ENPP2: variants seen among roughly 807,000 people sequenced by gnomAD.
The protein encoded by ENPP2 is autotaxin.
A neutral mutation model predicts 120.2 loss-of-function variants in ENPP2; 51 were observed. That is an observed-to-expected ratio of 0.42 (90% CI 0.34 to 0.54). The LOEUF (loss-of-function observed/expected upper bound fraction) is 0.54. Among genes scored for constraint, ENPP2 ranks in the 20% least tolerant of loss-of-function variants. The pLI is 0.04. For missense variants in ENPP2, 920 were observed against 1,066.5 expected, an observed-to-expected ratio of 0.86 and a Z score of 1.91; for synonymous variants, 365 against 366.4, an observed-to-expected ratio of 1.00 and a Z score of 0.04.
In ENPP2 at chr8:119,638,744, C is replaced by G; in HGVS notation, c.33+4G>C. 6.4e-7 allele frequency: 1 copy of G among 1,553,050 alleles called. No homozygotes were observed. The highest frequency in any genetic ancestry group is 1.1e-5 in the South Asian group (1 of 89,880). On this transcript the variant is annotated splice_donor_region_variant and intron_variant, in intron 1 of 24. Transcript: ENST00000075322. ...TGTCCCCCGTCATTCCTCCGTTCTC[C>G]CACCTGACACGACTGGAACGAGCTC...
At chr8:119,597,557 T>G (rs1813984083) in intron 11 of ENPP2, among the ~76,000 whole-genome samples, 1 of 152,198 alleles carries the variant, frequency 6.6e-6, no homozygotes, top group Non-Finnish European at 1.5e-5. Flanking sequence ...CTGAGGTTAT[T>G]AAGAGGATGG....
At chr8:119,616,244 C>T (rs756134055) in intron 8 of ENPP2, 21 bp downstream of exon 8, 59 of 1,596,696 alleles carry the variant, frequency 3.7e-5, no homozygotes, top group Non-Finnish European at 4.6e-5. Flanking sequence ...CACATAGACA[C>T]ACAATAAATG....
chr8:119,606,447 G>A (rs1239230447), intron 9 of ENPP2, among the ~76,000 whole-genome samples: 1 of 152,084 alleles, frequency 6.6e-6, no homozygotes, highest in Admixed American at 6.6e-5. Context: ...AGGCAAATAT[G>A]TTACAGAACA....
chr8:119,621,957 C>G (rs1260202910), intron 3 of ENPP2, among the ~76,000 whole-genome samples: 1 of 152,072 alleles, frequency 6.6e-6, no homozygotes, highest in Non-Finnish European at 1.5e-5. Context: ...TTGACAGAGT[C>G]TTGCTCTCTT....
At chr8:119,581,747 C>T (rs986083434) in intron 18 of ENPP2, among the ~76,000 whole-genome samples, 2 of 149,950 alleles carry the variant, frequency 1.3e-5, no homozygotes, top group African/African-American at 4.9e-5. Context: ...TTTAAACTCT[C>T]TCTTTTTTTC....
chr8:119,649,258 C>T (rs938512688), intron 1 of ENPP2, among the ~76,000 whole-genome samples: 1 of 150,466 alleles, frequency 6.6e-6, no homozygotes, highest in African/African-American at 2.4e-5. Context: ...AAAAAATAGC[C>T]GGGTGTGGTC....
chr8:119,639,137 A>G (rs1817184244), upstream of ENPP2, among the ~76,000 whole-genome samples: 2 of 152,238 alleles, frequency 1.3e-5, no homozygotes. Context: ...TTTGTCAAAA[A>G]GAAACCAAAT....
intron 19 of ENPP2, among the ~76,000 whole-genome samples, chr8:119,573,718 A>G (rs1563681314): frequency 6.6e-6 from 1 of 152,156 alleles, no homozygotes; most frequent in Non-Finnish European, 1.5e-5. Flanking sequence ...AGGCTGGGGC[A>G]GAACTGCTTG....
At chr8:119,649,219 C>T (rs1198525544) in intron 1 of ENPP2, among the ~76,000 whole-genome samples, 2 of 149,652 alleles carry the variant, frequency 1.3e-5, no homozygotes, top group African/African-American at 2.5e-5. Flanking sequence ...CGGTGAAACC[C>T]CGTCTCTACT....
At chr8:119,611,960 C>T (rs1202790989) in intron 8 of ENPP2, among the ~76,000 whole-genome samples, 1 of 152,060 alleles carries the variant, frequency 6.6e-6, no homozygotes, top group African/African-American at 2.4e-5. Context: ...ACCCGGGAGG[C>T]GGAGGTTGCT....
chr8:119,560,134 T>A (rs1813812824), intron 24 of ENPP2, among the ~76,000 whole-genome samples: 1 of 152,170 alleles, frequency 6.6e-6, no homozygotes, highest in Admixed American at 6.5e-5. Context: ...GAACATCTAT[T>A]CCCCAGGAAT....
intron 23 of ENPP2, among the ~76,000 whole-genome samples, chr8:119,564,316 A>T (rs1418804230): frequency 2.0e-5 from 3 of 152,184 alleles, no homozygotes; most frequent in Non-Finnish European, 4.4e-5. Flanking sequence ...TAGAATAAAA[A>T]AGTGCATTTA....
At chr8:119,662,675 C>T (rs1424816316) in intron 1 of ENPP2, among the ~76,000 whole-genome samples, 3 of 152,184 alleles carry the variant, frequency 2.0e-5, no homozygotes, top group Non-Finnish European at 4.4e-5. Context: ...TGAAACAAAA[C>T]TTTGACACGT....
chr8:119,569,245 G>C lies in ENPP2; in HGVS notation c.2043C>G (p.Leu681=). ...ATATTCTTAACTTACAAGGAGGAAA[G>C]AGGAATCCGTAGGACATCTGCTTAT... ...KNDKQMSYGF[L]FPPYLSSSPE... Residue 681 remains leucine, a synonymous_variant, in exon 21 of 25, where the codon CTC becomes CTG. Coordinates refer to ENST00000075322, the MANE Select transcript of ENPP2 (RefSeq NM_001040092.3). The C allele has an allele frequency of 1.2e-6, 2 of 1,614,036 alleles. No individual in the cohort carries two copies. Among genetic ancestry groups the C allele is most frequent in the South Asian group, 1.1e-5 (1 of 91,076 alleles).
At chr8:119,664,332 C>T (rs535712032) in intron 1 of ENPP2, among the ~76,000 whole-genome samples, 29 of 152,276 alleles carry the variant, frequency 1.9e-4, no homozygotes, top group Admixed American at 1.8e-3. Context: ...CCAAGCTGTG[C>T]AGCCTTGAAC....
chr8:119,629,160 T>C (rs1816483061), intron 2 of ENPP2, among the ~76,000 whole-genome samples: 1 of 152,062 alleles, frequency 6.6e-6, no homozygotes, highest in South Asian at 2.1e-4. Flanking sequence ...TATGTGTGGG[T>C]ATGTGTATAT....
At chr8:119,612,679 CAGA>C (rs1292704504) in intron 8 of ENPP2, among the ~76,000 whole-genome samples, 1 of 152,136 alleles carries the variant, frequency 6.6e-6, no homozygotes, top group Admixed American at 6.5e-5. Context: ...TGCTTGAGCT[CAGA>C]AGTTGGAGAC....
chr8:119,582,454 G>C lies in ENPP2; in HGVS notation c.1692C>G (p.Asp564Glu). The part of the protein sequence containing the change: ...PGIMYLQSDF[D>E]LGCTCDDKVE... ...CCTTATCATCACAAGTGCAGCCCAGGTCAAAATCAGACTGAAGGTACATAA... is the reference window on the plus strand; with the variant it reads ...CCTTATCATCACAAGTGCAGCCCAGCTCAAAATCAGACTGAAGGTACATAA... The change falls in exon 18 of 25, where the codon GAC becomes GAG. Residue 564 changes from aspartate (D) to glutamate (E), a missense_variant. Coordinates refer to ENST00000075322, the MANE Select transcript of ENPP2 (RefSeq NM_001040092.3). The C allele has an allele frequency of 6.2e-7, 1 of 1,613,998 alleles. No homozygotes were observed. The highest frequency in any genetic ancestry group is 1.1e-5 in the South Asian group (1 of 91,070).
intron 2 of ENPP2, among the ~76,000 whole-genome samples, chr8:119,629,683 C>T (rs1816523921): frequency 6.6e-6 from 1 of 152,018 alleles, no homozygotes; most frequent in Non-Finnish European, 1.5e-5. Flanking sequence ...TATTCATTTC[C>T]AATGCAGTGG....
Sources: gnomAD v4.1 joint callset for allele counts (sites outside exome capture counted in the v4.1 genomes callset) on GRCh38, gnomAD v4.1.1 for gene constraint, MANE v1.5 for transcripts, NCBI Gene and HGNC (gene_info 2026-07-23, HGNC 2026-07-21) for gene names.